The following AIMP1 variants were observed in gnomAD, a reference collection of about 807,000 sequenced individuals.
The protein encoded by AIMP1 is aminoacyl tRNA synthase complex-interacting multifunctional protein 1.
Under a neutral mutation model 33.1 loss-of-function variants are expected in AIMP1, and 24 were observed. The observed-to-expected ratio is 0.73, with a 90% CI of 0.53 to 1.02. The LOEUF (loss-of-function observed/expected upper bound fraction) is 1.02, where lower values mean the gene tolerates loss of function less well. AIMP1 is among the 50% of genes least tolerant of loss of function. AIMP1 has a pLI of 0.00. For missense variants in AIMP1, 367 were observed against 364.8 expected (o/e 1.01, Z -0.05); for synonymous variants, 120 against 121.5 (o/e 0.99, Z 0.08).
chr4:106,345,133 T>G (rs1770248898), intron 6 of AIMP1, among the ~76,000 whole-genome samples: 2 of 152,230 alleles, frequency 1.3e-5, no homozygotes, highest in Non-Finnish European at 2.9e-5. Context: ...GCACTTTCTT[T>G]CTAGATCTGA....
intron 6 of AIMP1, among the ~76,000 whole-genome samples, chr4:106,346,076 T>TTC (rs1770285422): frequency 6.6e-6 from 1 of 151,798 alleles, no homozygotes; most frequent in Non-Finnish European, 1.5e-5. Flanking sequence ...ATCATCGAAG[T>TTC]TCTACAGCTT....
At position 106,347,635 on chromosome 4, in the gene AIMP1, G is replaced by C. The variant is rs369128827; in HGVS notation, c.882G>C (p.Glu294Asp). Reference protein sequence around the residue: ...CVATYKGVPFEVKGKGVCRAQ... With the variant: ...CVATYKGVPFDVKGKGVCRAQ... ...CTACATACAAAGGAGTTCCCTTTGA[G>C]GTGAAAGGGAAGGGAGTATGTAGGG... is the stretch of plus-strand genomic sequence containing the variant. Residue 294 changes from glutamate (E) to aspartate (D), a missense_variant, in exon 7 of 7, where the codon GAG (glutamate) becomes GAC (aspartate). By Grantham distance (45) the Glu-to-Asp change is conservative (BLOSUM62 2). Coordinates refer to ENST00000672341, the MANE Select transcript of AIMP1 (RefSeq NM_001142416.2). 5 of 1,613,070 alleles carry C rather than the reference G, an allele frequency of 3.1e-6. No individual in the cohort carries two copies. In the African/African-American group the frequency reaches 6.7e-5, roughly 22 times the overall value.
In AIMP1 at chr4:106,348,978, A is replaced by C. The variant is rs1055978809; in HGVS notation, c.*1286A>C. 1 of 152,150 alleles carries C rather than the reference A, an allele frequency of 6.6e-6. No homozygotes were observed. Among genetic ancestry groups the C allele is most frequent in the African/African-American group, 2.4e-5 (1 of 41,432 alleles). The allele number at this position is 152,150 out of a possible 1,614,324, so 9.4% of individuals were successfully genotyped here. On this transcript the variant is annotated 3_prime_UTR_variant, in exon 7 of 7. Transcript: ENST00000672341. ...GAGGCACACACAAATACACACACTC[A>C]CACAAAACTCAACAACCATAAAACA...
intron 1 of AIMP1, 90 bp downstream of exon 1, chr4:106,316,684 G>A: frequency 7.7e-7 from 1 of 1,300,362 alleles, no homozygotes; most frequent in Admixed American, 2.1e-5. Flanking sequence ...CAGGAGAGAG[G>A]ACCTGGCCTG....
chr4:106,323,347 TGGTG>T (rs974111683), intron 1 of AIMP1, among the ~76,000 whole-genome samples: 2 of 152,148 alleles, frequency 1.3e-5, no homozygotes, highest in African/African-American at 2.4e-5. Context: ...TTCAGCAACT[TGGTG>T]GGTATTTATT....
At chr4:106,325,582 G>C (rs1769424148) in intron 2 of AIMP1, among the ~76,000 whole-genome samples, 2 of 151,868 alleles carry the variant, frequency 1.3e-5, no homozygotes, top group African/African-American at 4.8e-5. Context: ...TTGCTCATAT[G>C]ATATAATATA....
chr4:106,341,989 C>T (rs773523136), intron 6 of AIMP1, among the ~76,000 whole-genome samples: 39 of 134,294 alleles, frequency 2.9e-4, no homozygotes, highest in Non-Finnish European at 3.8e-4. Context: ...TTATAGTTCT[C>T]CTTGTAGAGA....
chr4:106,340,314 A>G (rs902137049), intron 6 of AIMP1, among the ~76,000 whole-genome samples: 4 of 151,862 alleles, frequency 2.6e-5, no homozygotes, highest in African/African-American at 9.7e-5. Context: ...TTTTAGGCTC[A>G]AGGGATACAG....
rs1250235633 is a variant in AIMP1, at chr4:106,331,793, A to C, written c.513A>C (p.Ala171=). ...TAACTGCTAGAAAACACCCTGATGC[A>C]GATTCTTTGTATGTGGAAGAAGTAG... The part of the protein sequence containing the change: ...CIITARKHPD[A]DSLYVEEVDV... The change falls in exon 5 of 7, where the codon GCA becomes GCC. Residue 171 remains alanine (A), a synonymous_variant. Coordinates refer to ENST00000672341, the MANE Select transcript of AIMP1 (RefSeq NM_001142416.2). 2.8e-5 allele frequency: 46 copies of C among 1,614,040 alleles called. No individual in the cohort carries two copies. In the Admixed American group the frequency reaches 7.7e-4, roughly 27 times the overall value.
At chr4:106,336,782 A>G in intron 5 of AIMP1, 87 bp from the exon 6 acceptor site, 3 of 1,222,140 alleles carry the variant, frequency 2.5e-6, no homozygotes, top group Non-Finnish European at 3.6e-6. Flanking sequence ...TTTGATACTT[A>G]GCATATTAGG....
intron 5 of AIMP1, among the ~76,000 whole-genome samples, chr4:106,334,396 C>G (rs1769795842): frequency 6.6e-6 from 1 of 151,544 alleles, no homozygotes; most frequent in Non-Finnish European, 1.5e-5. Context: ...TGCCGAGTAG[C>G]CAGGATTACA....
intron 1 of AIMP1, among the ~76,000 whole-genome samples, chr4:106,323,158 GTAAC>G (rs142996869): frequency 6.3e-4 from 96 of 152,118 alleles, no homozygotes; most frequent in African/African-American, 2.2e-3. Flanking sequence ...CATATTTTAT[GTAAC>G]TAACTATTCC....
At chr4:106,321,934 C>G (rs941298827) in intron 1 of AIMP1, among the ~76,000 whole-genome samples, 6 of 131,502 alleles carry the variant, frequency 4.6e-5, no homozygotes, top group African/African-American at 1.7e-4. Context: ...GCTGTGTCCA[C>G]TAAGGGTTAA....
At chr4:106,316,416 AG>A (rs1561016813), upstream of AIMP1, 1 of 835,604 alleles carries the variant, frequency 1.2e-6, no homozygotes, top group Non-Finnish European at 2.0e-6. Flanking sequence ...GTGGTATGGC[AG>A]GTTAATGGGA....
At chr4:106,334,005 T>C (rs1769775616) in intron 5 of AIMP1, among the ~76,000 whole-genome samples, 1 of 152,216 alleles carries the variant, frequency 6.6e-6, no homozygotes, top group Admixed American at 6.5e-5. Flanking sequence ...AATGTCCTCT[T>C]TCTAGATGTC....
intron 6 of AIMP1, among the ~76,000 whole-genome samples, chr4:106,346,675 T>G (rs1457634028): frequency 6.6e-6 from 1 of 152,294 alleles, no homozygotes; most frequent in South Asian, 2.1e-4. Context: ...AAGAAATCTT[T>G]AAGCACTAGA....
chr4:106,346,357 T>C lies in AIMP1; in HGVS notation c.773-1169T>C, dbSNP rs576728255. ...CCACATGTAAAAAGGTTGTTTACTT[T>C]CTAAAGTATGGTTTGTCAGGGGGCA... On this transcript the variant is annotated intron_variant, in intron 6 of 6. Coordinates refer to ENST00000672341, the MANE Select transcript of AIMP1 (RefSeq NM_001142416.2). Among the ~76,000 whole-genome samples, 3 of 152,284 alleles carry C rather than the reference T, an allele frequency of 2.0e-5. No homozygotes were observed. The South Asian group carries it at 6.2e-4, about 32-fold the overall frequency.
upstream of AIMP1, chr4:106,315,982 T>C (rs1389823999): frequency 1.3e-5 from 2 of 152,664 alleles, no homozygotes; most frequent in African/African-American, 4.8e-5. Context: ...ATGGAGCTTC[T>C]ACACAGGGCC....
chr4:106,337,078 G>A lies in AIMP1; in HGVS notation c.772+41G>A, dbSNP rs1481424091. 2.3e-5 allele frequency: 35 copies of A among 1,547,594 alleles called. No individual in the cohort carries two copies. In the East Asian group the frequency reaches 7.6e-4, roughly 34 times the overall value. On this transcript the variant is annotated intron_variant, in intron 6 of 6. Coordinates refer to ENST00000672341, the MANE Select transcript of AIMP1 (RefSeq NM_001142416.2). The stretch of plus-strand genomic sequence containing the variant: ...TAATTACTTAATAGTTTCGGAATCA[G>A]TTCTCAAAGTGATGTTTGTAATGCT...
Sources: gnomAD v4.1 joint callset for allele counts (sites outside exome capture counted in the v4.1 genomes callset) on GRCh38, gnomAD v4.1.1 for gene constraint, MANE v1.5 for transcripts, NCBI Gene and HGNC (gene_info 2026-07-23, HGNC 2026-07-21) for gene names.